Variants in CATSPER4 observed in about 807,000 individuals in gnomAD.
CATSPER4 encodes the protein cation channel sperm-associated protein 4.
CATSPER4 carries 46 observed loss-of-function variants against 54.4 expected under a neutral mutation model. That is an observed-to-expected ratio of 0.84 (90% CI 0.67 to 1.08). The LOEUF (loss-of-function observed/expected upper bound fraction) is 1.08, where lower values mean the gene tolerates loss of function less well. CATSPER4 is among the 50% of genes least tolerant of loss of function. The probability of loss-of-function intolerance (pLI) is 0.00; values close to 1 mark genes in which losing one functional copy is unlikely to be tolerated. For missense variants in CATSPER4, 574 were observed against 612.8 expected, an observed-to-expected ratio of 0.94 and a Z score of 0.67; for synonymous variants, 230 against 231.9, an observed-to-expected ratio of 0.99 and a Z score of 0.08.
intron 2 of CATSPER4, among the ~76,000 whole-genome samples, chr1:26,192,201 C>T (rs187894416): frequency 6.6e-6 from 1 of 151,076 alleles, no homozygotes; most frequent in Admixed American, 6.6e-5. Context: ...CATCTTGGCT[C>T]AATGCAGCCT....
rs149949236 is a variant in CATSPER4, at chr1:26,201,507, T to A, written c.1353T>A (p.Val451=). 371 of 1,613,944 alleles carry A rather than the reference T, an allele frequency of 2.3e-4. 4 individuals are homozygous for A. In the Middle Eastern group the frequency reaches 8.1e-3, roughly 35 times the overall value. The part of the protein sequence containing the change: ...SQQQDLLSAL[V]SMEKVHDSSS... The stretch of plus-strand genomic sequence containing the variant: ...AGCAAGACTTGCTCAGTGCGCTCGT[T>A]AGCATGGAAAAGGTGTGCCTTCCTT... Residue 451 remains valine (V), a synonymous_variant, in exon 9 of 10, where the codon GTT becomes GTA. Coordinates refer to ENST00000456354, the MANE Select transcript of CATSPER4 (RefSeq NM_198137.2).
intron 9 of CATSPER4, 48 bp downstream of exon 9, chr1:26,201,567 C>T: frequency 6.3e-7 from 1 of 1,597,470 alleles, no homozygotes; most frequent in Non-Finnish European, 8.6e-7. Flanking sequence ...TGACACTCTG[C>T]TCAGCCCAGC....
chr1:26,201,116 C>T, intron 8 of CATSPER4, 75 bp downstream of exon 8: 1 of 1,255,842 alleles, frequency 8.0e-7, no homozygotes, highest in South Asian at 1.2e-5. Flanking sequence ...CTTCTGGCCT[C>T]ACGCCCTCAC....
rs560765654 is a variant in CATSPER4 at position 26,190,935 on chromosome 1, G to A, written c.213+95G>A. On this transcript the variant is annotated intron_variant, in intron 1 of 9. Coordinates refer to ENST00000456354, the MANE Select transcript of CATSPER4 (RefSeq NM_198137.2). ...AACTCTGCCCCTCTACCCTCTAAAC[G>A]CCCCCAGAAGACCCTCCCTAGCACT... 26 of 1,181,526 alleles carry A rather than the reference G, an allele frequency of 2.2e-5. No individual in the cohort carries two copies. In the Admixed American group the frequency reaches 2.6e-4, roughly 12 times the overall value. 73.2% of individuals were successfully genotyped at this position (1,181,526 alleles called of 1,614,324 possible).
At chr1:26,202,449 G>T (rs1202178653) in intron 9 of CATSPER4, 40 bp from the exon 10 acceptor site, 1 of 1,585,136 alleles carries the variant, frequency 6.3e-7, no homozygotes, top group Admixed American at 1.7e-5. Flanking sequence ...GCCATATCGG[G>T]GGGAGTGGGG....
chr1:26,201,073 CATGTGA>C, intron 8 of CATSPER4, 32 bp downstream of exon 8: 1 of 1,536,988 alleles, frequency 6.5e-7, no homozygotes, highest in South Asian at 1.1e-5. Flanking sequence ...GCCCCCAAGT[CATGTGA>C]GTCAAGGCTG....
At chr1:26,200,227 G>A (rs17163671) in intron 7 of CATSPER4, among the ~76,000 whole-genome samples, 169 bp downstream of exon 7, 1,667 of 152,236 alleles carry the variant, frequency 0.011, 40 homozygotes, top group African/African-American at 0.038. Flanking sequence ...ACCAACTGGG[G>A]CTTCTGAGGG....
intron 3 of CATSPER4, among the ~76,000 whole-genome samples, chr1:26,195,466 G>A (rs1184572820): frequency 2.0e-5 from 3 of 151,898 alleles, no homozygotes; most frequent in Admixed American, 6.6e-5. Flanking sequence ...GAGTGAGAGG[G>A]GAGATGGGAG....
chr1:26,199,837 G>GC, intron 6 of CATSPER4, 47 bp from the exon 7 acceptor site: 2 of 1,604,676 alleles, frequency 1.2e-6, no homozygotes, highest in Non-Finnish European at 1.7e-6. Context: ...GGAAACTCAG[G>GC]CTTGAAGGGC....
chr1:26,202,431 C>G (rs10902720), intron 9 of CATSPER4, 58 bp from the exon 10 acceptor site: 529,518 of 1,482,548 alleles, frequency 0.36, 99,154 homozygotes, highest in African/African-American at 0.62. Context: ...AGGTGAGTAA[C>G]GGAGGCTGCC....
At chr1:26,198,501 C>G in intron 6 of CATSPER4, 82 bp downstream of exon 6, 3 of 1,580,218 alleles carry the variant, frequency 1.9e-6, no homozygotes, top group South Asian at 2.2e-5. Context: ...AGTGGGAGCT[C>G]CAGGGATTGG....
intron 3 of CATSPER4, among the ~76,000 whole-genome samples, chr1:26,194,284 T>C (rs971147348): frequency 3.3e-5 from 5 of 152,250 alleles, no homozygotes; most frequent in Admixed American, 6.5e-5. Flanking sequence ...ACCTCTGCCA[T>C]GGCAGCACAA....
intron 7 of CATSPER4, 28 bp from the exon 8 acceptor site, chr1:26,200,802 C>T (rs1407318989): frequency 6.3e-7 from 1 of 1,593,930 alleles, no homozygotes; most frequent in Admixed American, 1.7e-5. Context: ...TGAGCTGTCC[C>T]GACCCCTCTC....
intron 3 of CATSPER4, among the ~76,000 whole-genome samples, chr1:26,195,442 G>A (rs114000787): frequency 1.3e-5 from 2 of 152,278 alleles, no homozygotes; most frequent in African/African-American, 4.8e-5. Flanking sequence ...TGGCGAGACA[G>A]GAAGAAAGAG....
intron 3 of CATSPER4, among the ~76,000 whole-genome samples, chr1:26,196,913 CTT>C (rs1230900409): frequency 2.1e-4 from 15 of 71,374 alleles, no homozygotes; most frequent in Non-Finnish European, 2.4e-4. Context: ...TCTTTTCTTT[CTT>C]TTTTTTTTTT....
rs2088867178 is a variant in CATSPER4, at chr1:26,191,410, A to G, written c.337A>G (p.Thr113Ala). 6.2e-7 allele frequency: 1 copy of G among 1,613,988 alleles called. No homozygotes were observed. Among genetic ancestry groups the G allele is most frequent in the African/African-American group, 1.3e-5 (1 of 74,916 alleles). The change falls in exon 2 of 10, where the codon ACC becomes GCC. Residue 113 changes from threonine (T) to alanine (A), a missense_variant. Transcript: ENST00000456354. Reference protein sequence around the residue: ...VINAITIALRTNSYLDQKHYE... With the variant: ...VINAITIALRANSYLDQKHYE... ...CAATGCCATCACCATCGCTCTCCGTACCAACTCCTACCTGGACCAGGTGGG... is the reference window on the plus strand; with the variant it reads ...CAATGCCATCACCATCGCTCTCCGTGCCAACTCCTACCTGGACCAGGTGGG...
rs867799075 is a variant in CATSPER4, at chr1:26,190,679, C to T, written c.52C>T (p.Leu18Phe). Residue 18 changes from leucine (L) to phenylalanine (F), a missense_variant, in exon 1 of 10, where the codon CTC (leucine) becomes TTC (phenylalanine). By Grantham distance (22) the Leu-to-Phe change is conservative. Transcript: ENST00000456354. ...WWQQWTSHTG[L>F]EGWGGTQEDR... Reference sequence around the variant, plus strand: ...GCAGCAATGGACCTCCCATACAGGCCTCGAGGGGTGGGGCGGGACTCAGGA... The same window carrying T: ...GCAGCAATGGACCTCCCATACAGGCTTCGAGGGGTGGGGCGGGACTCAGGA... The T allele has an allele frequency of 6.2e-7, 1 of 1,610,830 alleles. No homozygotes were observed. The highest frequency in any genetic ancestry group is 1.7e-5 in the Admixed American group (1 of 59,990).
chr1:26,200,655 C>T (rs923060100), intron 7 of CATSPER4, among the ~76,000 whole-genome samples, 175 bp from the exon 8 acceptor site: 2 of 151,966 alleles, frequency 1.3e-5, no homozygotes, highest in African/African-American at 4.8e-5. Context: ...AGGTCATGTG[C>T]ATTTAAAGTT....
intron 9 of CATSPER4, among the ~76,000 whole-genome samples, chr1:26,202,212 A>G (rs2089016299): frequency 6.6e-6 from 1 of 152,108 alleles, no homozygotes; most frequent in Non-Finnish European, 1.5e-5. Context: ...GATCCTATCT[A>G]AGGTGCACAA....
Sources: allele counts gnomAD v4.1 joint callset (sites outside exome capture counted in the v4.1 genomes callset), GRCh38; gene constraint gnomAD v4.1.1; transcripts MANE v1.5; gene names NCBI Gene and HGNC (gene_info 2026-07-23, HGNC 2026-07-21).